KCNIP4: variants seen among roughly 807,000 people sequenced by gnomAD.
The protein encoded by KCNIP4 is potassium voltage-gated channel interacting protein 4, also known as Kv channel-interacting protein 4.
In KCNIP4, 12 loss-of-function variants were observed where a neutral mutation model predicts 34.0. The observed-to-expected ratio is 0.35, with a 90% confidence interval of 0.23 to 0.57. The LOEUF is 0.57. Among genes scored for constraint, KCNIP4 ranks in the 20% least tolerant of loss-of-function variants. The pLI, the probability that KCNIP4 is intolerant of heterozygous loss-of-function variation, is 0.83. For synonymous variants in KCNIP4, 124 were observed against 102.2 expected, an observed-to-expected ratio of 1.21 and a Z score of -1.29; for missense variants, 238 against 311.7, an observed-to-expected ratio of 0.76 and a Z score of 1.78.
chr4:20,967,978 T>G (rs1214719743), intron 1 of KCNIP4, among the ~76,000 whole-genome samples: 3 of 152,034 alleles, frequency 2.0e-5, no homozygotes, highest in Non-Finnish European at 4.4e-5. Flanking sequence ...GAAACTATCA[T>G]CAGAGTGAAC....
At chr4:21,090,327 T>G (rs976789628) in intron 1 of KCNIP4, among the ~76,000 whole-genome samples, 7 of 152,166 alleles carry the variant, frequency 4.6e-5, no homozygotes, top group Admixed American at 4.6e-4. Flanking sequence ...ATTGAATGAA[T>G]GAGGAAGTGG....
chr4:21,340,308 A>G (rs543585458), intron 1 of KCNIP4, among the ~76,000 whole-genome samples: 6 of 152,180 alleles, frequency 3.9e-5, no homozygotes, highest in Non-Finnish European at 8.8e-5. Flanking sequence ...CTACTCAATG[A>G]AAAACAGTTC....
At chr4:21,389,110 T>C (rs1254297467) in intron 1 of KCNIP4, among the ~76,000 whole-genome samples, 5 of 151,864 alleles carry the variant, frequency 3.3e-5, no homozygotes, top group Admixed American at 2.6e-4. Flanking sequence ...CGCAACTTCC[T>C]TAGAAGCTGG....
intron 1 of KCNIP4, among the ~76,000 whole-genome samples, chr4:21,743,864 C>G (rs1336301228): frequency 1.3e-5 from 2 of 149,462 alleles, no homozygotes; most frequent in Non-Finnish European, 3.0e-5. Context: ...GCTCTTCATC[C>G]ATAGTTAATG....
intron 1 of KCNIP4, among the ~76,000 whole-genome samples, chr4:21,062,529 C>T (rs953749259): frequency 8.1e-6 from 1 of 123,954 alleles, no homozygotes; most frequent in Non-Finnish European, 1.7e-5. Context: ...TGTGTGTGTG[C>T]ATGTGTGTGT....
chr4:20,748,533 T>C, intron 5 of KCNIP4, among the ~76,000 whole-genome samples: 1 of 139,916 alleles, frequency 7.1e-6, no homozygotes, highest in South Asian at 2.3e-4. Flanking sequence ...CTTCCTCACT[T>C]CCAAAAATAA....
At chr4:21,723,159 A>G (rs1577903767) in intron 1 of KCNIP4, among the ~76,000 whole-genome samples, 1 of 152,126 alleles carries the variant, frequency 6.6e-6, no homozygotes, top group Non-Finnish European at 1.5e-5. Flanking sequence ...GATTTCACAT[A>G]GATGATATAA....
chr4:21,275,906 T>C (rs1051560050), intron 1 of KCNIP4, among the ~76,000 whole-genome samples: 4 of 152,148 alleles, frequency 2.6e-5, no homozygotes, highest in African/African-American at 7.2e-5. Flanking sequence ...AGAAGAATTG[T>C]CTTGGGCCAG....
intron 3 of KCNIP4, among the ~76,000 whole-genome samples, chr4:20,768,479 A>T (rs1755607570): frequency 6.6e-6 from 1 of 152,342 alleles, no homozygotes; most frequent in African/African-American, 2.4e-5. Flanking sequence ...TTTAAAAATT[A>T]TAGGATTAAC....
chr4:21,931,081 G>T (rs1201886233), intron 1 of KCNIP4, among the ~76,000 whole-genome samples: 3 of 152,022 alleles, frequency 2.0e-5, no homozygotes, highest in African/African-American at 7.2e-5. Context: ...CATCAGTAAG[G>T]CCATTACAAA....
At chr4:21,522,359 C>G (rs537697377) in intron 1 of KCNIP4, among the ~76,000 whole-genome samples, 1 of 151,606 alleles carries the variant, frequency 6.6e-6, no homozygotes, top group Non-Finnish European at 1.5e-5. Flanking sequence ...CACCTGCCAC[C>G]GTATATTCTG....
intron 1 of KCNIP4, among the ~76,000 whole-genome samples, chr4:21,812,583 T>A (rs1288011677): frequency 6.6e-6 from 1 of 152,208 alleles, no homozygotes; most frequent in Non-Finnish European, 1.5e-5. Flanking sequence ...TGCTTGTACA[T>A]GCATGAAGCT....
intron 1 of KCNIP4, among the ~76,000 whole-genome samples, chr4:21,901,319 T>C (rs1465351814): frequency 6.6e-6 from 1 of 152,242 alleles, no homozygotes; most frequent in Admixed American, 6.5e-5. Context: ...TTGGTTTTAC[T>C]ATTGCTATTA....
intron 1 of KCNIP4, among the ~76,000 whole-genome samples, chr4:21,058,253 A>T (rs1743600325): frequency 6.6e-6 from 1 of 152,046 alleles, no homozygotes; most frequent in Non-Finnish European, 1.5e-5. Flanking sequence ...GAGTCCAAAG[A>T]TTGGTGGCCA....
intron 3 of KCNIP4, among the ~76,000 whole-genome samples, chr4:20,792,862 T>G (rs1712959408): frequency 6.6e-6 from 1 of 152,200 alleles, no homozygotes; most frequent in Non-Finnish European, 1.5e-5. Flanking sequence ...AGAAATAAAT[T>G]CAGTGGTTTA....
chr4:21,717,881 G>T (rs1560660328), intron 1 of KCNIP4, among the ~76,000 whole-genome samples: 2 of 151,936 alleles, frequency 1.3e-5, no homozygotes, highest in Non-Finnish European at 2.9e-5. Flanking sequence ...ATCTTTTAAT[G>T]CATCACCAGC....
At chr4:21,203,710 C>A (rs1013645513) in intron 1 of KCNIP4, among the ~76,000 whole-genome samples, 2 of 152,150 alleles carry the variant, frequency 1.3e-5, no homozygotes, top group Non-Finnish European at 2.9e-5. Flanking sequence ...CTTCTAAGAA[C>A]CTTATATCAG....
intron 1 of KCNIP4, among the ~76,000 whole-genome samples, chr4:21,009,743 T>C (rs548512387): frequency 1.3e-5 from 2 of 152,334 alleles, no homozygotes; most frequent in Admixed American, 1.3e-4. Flanking sequence ...AAAGGACATA[T>C]CCCTTCTCTG....
At chr4:20,877,166 C>T (rs1363100158) in intron 2 of KCNIP4, among the ~76,000 whole-genome samples, 7 of 152,156 alleles carry the variant, frequency 4.6e-5, no homozygotes, top group African/African-American at 9.7e-5. Flanking sequence ...CATCTGGGCT[C>T]GCTCTTTGGT....
Sources: gnomAD v4.1 joint callset for allele counts (sites outside exome capture counted in the v4.1 genomes callset) on GRCh38, gnomAD v4.1.1 for gene constraint, MANE v1.5 for transcripts, NCBI Gene and HGNC (gene_info 2026-07-23, HGNC 2026-07-21) for gene names.